ABLIM1: variants seen among roughly 807,000 people sequenced by gnomAD.
The protein encoded by ABLIM1 is actin-binding LIM protein 1.
Under a neutral mutation model 107.0 loss-of-function variants are expected in ABLIM1, and 40 were observed. The ratio of observed to expected loss-of-function variants is 0.37; its 90% CI spans 0.29 to 0.49. The LOEUF (loss-of-function observed/expected upper bound fraction) is 0.49, where lower values mean the gene tolerates loss of function less well. Ranked by LOEUF, ABLIM1 falls within the 20% of genes least tolerant of loss-of-function variation. The probability of loss-of-function intolerance (pLI) is 0.97; values close to 1 mark genes in which losing one functional copy is unlikely to be tolerated. For synonymous variants in ABLIM1, 357 were observed against 357.3 expected (o/e 1.00, Z 0.01); for missense variants, 857 against 1,008.5 (o/e 0.85, Z 2.04).
chr10:114,769,210 C>A (rs1284584613), upstream of ABLIM1, among the ~76,000 whole-genome samples: 15 of 141,986 alleles, frequency 1.1e-4, no homozygotes, highest in Non-Finnish European at 1.5e-5. Flanking sequence ...AATTAGCAGG[C>A]CTTGGTGACC....
chr10:114,466,906 T>C (rs2065290950), intron 11 of ABLIM1, among the ~76,000 whole-genome samples: 1 of 152,134 alleles, frequency 6.6e-6, no homozygotes, highest in Non-Finnish European at 1.5e-5. Context: ...TGCCTGTAAT[T>C]TCAGCACTCT....
chr10:114,474,537 T>C (rs905277969), intron 8 of ABLIM1, among the ~76,000 whole-genome samples: 6 of 152,048 alleles, frequency 3.9e-5, no homozygotes, highest in Non-Finnish European at 7.4e-5. Context: ...CCTGCCACCA[T>C]GCCCGGCTAA....
rs2060066513 is a variant in ABLIM1, at chr10:114,440,733, T to C, written c.2059+284A>G. 3 of 513,056 alleles carry C rather than the reference T, an allele frequency of 5.8e-6. No homozygotes were observed. In the East Asian group the frequency reaches 1.3e-4, roughly 22 times the overall value. 31.8% of individuals were successfully genotyped at this position (513,056 alleles called of 1,614,324 possible). A position where few individuals can be genotyped will look rare whatever the true frequency, so the allele number is the denominator to read the frequency against. On this transcript the variant is annotated intron_variant, in intron 19 of 22. Transcript: ENST00000533213. ...GCCTCAGCCTCCCAAAGTGTTGGGATTGCAGGCATGAGCCACCATGCCTGG... is the reference window on the plus strand; with the variant it reads ...GCCTCAGCCTCCCAAAGTGTTGGGACTGCAGGCATGAGCCACCATGCCTGG...
intron 1 of ABLIM1, among the ~76,000 whole-genome samples, chr10:114,728,891 T>C (rs1324753310): frequency 6.6e-6 from 1 of 152,144 alleles, no homozygotes; most frequent in African/African-American, 2.4e-5. Flanking sequence ...GCTTTTTCTG[T>C]TCTTTTCTGT....
chr10:114,691,859 C>G lies in ABLIM1; in HGVS notation c.-213+76202G>C, dbSNP rs186499048. ...CCAGAGAATGAAAGAGGATATTTAT[C>G]AACTGTGCTATACCCAGAAGGCTAC... On this transcript the variant is annotated intron_variant, in intron 1 of 15. Transcript: ENST00000651092. 1.2e-4 allele frequency among the ~76,000 whole-genome samples: 19 copies of G among 152,302 alleles called. 1 individual carries two copies. Among genetic ancestry groups the G allele is most frequent in the Admixed American group, 1.1e-3 (17 of 15,306 alleles).
intron 1 of ABLIM1, among the ~76,000 whole-genome samples, chr10:114,607,900 A>G (rs1159546966): frequency 2.6e-5 from 4 of 152,248 alleles, no homozygotes; most frequent in African/African-American, 9.6e-5. Context: ...GGAAATCTGA[A>G]TAGTGTGGAC....
intron 1 of ABLIM1, among the ~76,000 whole-genome samples, chr10:114,732,018 G>A (rs905359266): frequency 6.6e-6 from 1 of 152,042 alleles, no homozygotes; most frequent in Non-Finnish European, 1.5e-5. Context: ...TCTCTAAAGT[G>A]GCACACTATT....
At chr10:114,570,425 C>T (rs920056912) in intron 4 of ABLIM1, among the ~76,000 whole-genome samples, 3 of 152,124 alleles carry the variant, frequency 2.0e-5, no homozygotes, top group Non-Finnish European at 2.9e-5. Flanking sequence ...CCCACACTTT[C>T]TTCAAACCTC....
chr10:114,689,037 T>G (rs542059353), upstream of ABLIM1, among the ~76,000 whole-genome samples: 255 of 152,320 alleles, frequency 1.7e-3, no homozygotes, highest in Middle Eastern at 6.8e-3. Flanking sequence ...ATTAATCTCT[T>G]TCACAAAGAC....
the ABLIM1 span, chr10:114,776,218 A>G: frequency 4.0e-5 from 6 of 150,704 alleles, no homozygotes; most frequent in East Asian, 7.8e-4. Flanking sequence ...CAGTTTGAAG[A>G]TGTGTCATTC....
At chr10:114,676,596 G>A (rs1172313948) in intron 1 of ABLIM1, among the ~76,000 whole-genome samples, 1 of 152,074 alleles carries the variant, frequency 6.6e-6, no homozygotes, top group African/African-American at 2.4e-5. Context: ...AGAAACTCGG[G>A]GGATTTCAGA....
chr10:114,525,917 T>A (rs2064643796), intron 6 of ABLIM1, among the ~76,000 whole-genome samples: 1 of 152,202 alleles, frequency 6.6e-6, no homozygotes, highest in Non-Finnish European at 1.5e-5. Flanking sequence ...TTCATGCTAG[T>A]ATAGCACATT....
At chr10:114,753,664 T>A (rs2082567533) in intron 1 of ABLIM1, among the ~76,000 whole-genome samples, 1 of 152,234 alleles carries the variant, frequency 6.6e-6, no homozygotes, top group South Asian at 2.1e-4. Flanking sequence ...ATTTTCTACT[T>A]ACATTGTATA....
In ABLIM1 at chr10:114,760,706, C is replaced by T. The variant is rs547519965; in HGVS notation, c.-213+7355G>A. 2.0e-5 allele frequency among the ~76,000 whole-genome samples: 3 copies of T among 152,212 alleles called. No individual in the cohort carries two copies. In the South Asian group the frequency reaches 6.2e-4, roughly 32 times the overall value. On this transcript the variant is annotated intron_variant, in intron 1 of 15. Coordinates refer to the ABLIM1 transcript ENST00000651092. ...AGTTCCCAAAAATTAAAAAACAAAA[C>T]AAAACATAATGCAGTTCACAGATAC... is the stretch of plus-strand genomic sequence containing the variant.
intron 2 of ABLIM1, among the ~76,000 whole-genome samples, chr10:114,576,319 T>C (rs543926240): frequency 9.2e-5 from 14 of 152,004 alleles, no homozygotes; most frequent in East Asian, 1.9e-4. Flanking sequence ...AAGACCAGAG[T>C]AGGTCACAAC....
intron 18 of ABLIM1, 90 bp downstream of exon 18, chr10:114,441,632 A>G: frequency 8.2e-7 from 1 of 1,224,878 alleles, no homozygotes; most frequent in Non-Finnish European, 1.2e-6. Context: ...TGAGATCAAG[A>G]GTCAGACGTA....
At chr10:114,442,498 TAC>T (rs750248581) in intron 17 of ABLIM1, among the ~76,000 whole-genome samples, 2 of 152,242 alleles carry the variant, frequency 1.3e-5, no homozygotes, top group Non-Finnish European at 2.9e-5. Flanking sequence ...TACAATGTTA[TAC>T]ATTCTTATAG....
intron 6 of ABLIM1, among the ~76,000 whole-genome samples, chr10:114,499,265 A>G (rs2135484247): frequency 6.6e-6 from 1 of 152,256 alleles, no homozygotes; most frequent in East Asian, 1.9e-4. Flanking sequence ...CTTGAGAAAT[A>G]CCAAAGACGT....
intron 1 of ABLIM1, among the ~76,000 whole-genome samples, chr10:114,618,386 A>T (rs986513780): frequency 7.2e-5 from 11 of 152,112 alleles, no homozygotes; most frequent in Non-Finnish European, 2.9e-5. Context: ...ATTTTTTCCA[A>T]TGCTCAAACT....
Sources: gnomAD v4.1 joint callset for allele counts (sites outside exome capture counted in the v4.1 genomes callset) on GRCh38, gnomAD v4.1.1 for gene constraint, MANE v1.5 for transcripts, NCBI Gene and HGNC (gene_info 2026-07-23, HGNC 2026-07-21) for gene names.